Variants in ZNF469 observed in about 807,000 individuals in gnomAD.
ZNF469 encodes the protein zinc finger protein 469.
A neutral mutation model predicts 1.0 loss-of-function variants in ZNF469; 1 was observed. The ratio of observed to expected loss-of-function variants is 1.00; its 90% CI spans 0.35 to 4.73. ZNF469 has a LOEUF of 4.73. ZNF469 is among the 30% of genes most tolerant of loss of function. The probability of loss-of-function intolerance (pLI) is 0.16; values close to 1 mark genes in which losing one functional copy is unlikely to be tolerated. For missense variants in ZNF469, 6,100 were observed against 5,356.3 expected (o/e 1.14, Z -4.33); for synonymous variants, 2,703 against 2,363.4 (o/e 1.14, Z -4.17).
At chr16:88,293,858 G>A in the ZNF469 span, among the ~76,000 whole-genome samples, 22 of 152,250 alleles carry the variant, frequency 1.4e-4, no homozygotes, top group Admixed American at 6.5e-4. Flanking sequence ...GTAGCTGATC[G>A]GGAAAGGTTT....
the ZNF469 span, among the ~76,000 whole-genome samples, chr16:88,142,670 C>T: frequency 4.0e-3 from 614 of 152,336 alleles, 8 homozygotes; most frequent in African/African-American, 0.014. Context: ...GTCTATAAAG[C>T]ACATGTCACC....
At chr16:88,133,243 G>C in the ZNF469 span, among the ~76,000 whole-genome samples, 1 of 152,256 alleles carries the variant, frequency 6.6e-6, no homozygotes, top group Admixed American at 6.5e-5. Flanking sequence ...GTTTCTGACG[G>C]CCTAAGAATA....
the ZNF469 span, among the ~76,000 whole-genome samples, chr16:88,224,308 G>C: frequency 6.6e-6 from 1 of 152,230 alleles, no homozygotes; most frequent in South Asian, 2.1e-4. Flanking sequence ...CAGGGTGTTA[G>C]CCAAGCGGAT....
the ZNF469 span, among the ~76,000 whole-genome samples, chr16:88,301,516 G>A: frequency 1.3e-5 from 2 of 152,212 alleles, no homozygotes; most frequent in African/African-American, 2.4e-5. Flanking sequence ...AGTGAACAGT[G>A]GGATGCAGAG....
At chr16:88,135,175 C>T in the ZNF469 span, among the ~76,000 whole-genome samples, 1 of 152,248 alleles carries the variant, frequency 6.6e-6, no homozygotes, top group Non-Finnish European at 1.5e-5. Flanking sequence ...TTCCGTGGGG[C>T]AGGGCTATGA....
At chr16:88,264,945 G>A in the ZNF469 span, among the ~76,000 whole-genome samples, 8 of 152,224 alleles carry the variant, frequency 5.3e-5, no homozygotes, top group South Asian at 8.3e-4. Flanking sequence ...TCCAGGGAGC[G>A]GGCACACAGG....
chr16:88,295,129 G>A, the ZNF469 span, among the ~76,000 whole-genome samples: 2 of 36,772 alleles, frequency 5.4e-5, no homozygotes, highest in African/African-American at 2.3e-4. Flanking sequence ...TGGGGAGGAC[G>A]TCATCTCGGG....
upstream of ZNF469, among the ~76,000 whole-genome samples, chr16:88,381,184 A>C (rs1180915778): frequency 8.9e-5 from 12 of 134,450 alleles, no homozygotes; most frequent in African/African-American, 3.5e-4. Context: ...ACAGACATGC[A>C]CTCACACACA....
At chr16:88,159,883 G>T in the ZNF469 span, among the ~76,000 whole-genome samples, 1 of 152,164 alleles carries the variant, frequency 6.6e-6, no homozygotes, top group Non-Finnish European at 1.5e-5. Context: ...ACTGTGAGGC[G>T]TCAGCACAGG....
the ZNF469 span, among the ~76,000 whole-genome samples, chr16:88,137,138 G>A: frequency 9.2e-5 from 14 of 152,176 alleles, no homozygotes; most frequent in African/African-American, 2.2e-4. Context: ...ACATACAACC[G>A]TGCATGCAAT....
At chr16:88,266,006 C>T in the ZNF469 span, among the ~76,000 whole-genome samples, 1 of 152,262 alleles carries the variant, frequency 6.6e-6, no homozygotes, top group East Asian at 1.9e-4. Flanking sequence ...CAGCTCCCCA[C>T]CCCCAACAAG....
chr16:88,181,473 C>T, the ZNF469 span, among the ~76,000 whole-genome samples: 13 of 152,080 alleles, frequency 8.5e-5, 1 homozygote, highest in African/African-American at 9.6e-5. Context: ...TGAAGTTATG[C>T]GAAATATGTG....
the ZNF469 span, among the ~76,000 whole-genome samples, chr16:88,254,631 G>T: frequency 1.3e-5 from 2 of 152,180 alleles, no homozygotes; most frequent in African/African-American, 2.4e-5. Flanking sequence ...GGTGGCACAT[G>T]CCTGTAATCC....
chr16:88,401,604 TAGTTG>T (rs1904864140), intron 1 of ZNF469, among the ~76,000 whole-genome samples: 1 of 137,724 alleles, frequency 7.3e-6, no homozygotes, highest in Non-Finnish European at 1.5e-5. Flanking sequence ...GATGGATGGA[TAGTTG>T]GGTGAGTGGA....
chr16:88,336,893 G>A, the ZNF469 span, among the ~76,000 whole-genome samples: 8 of 152,210 alleles, frequency 5.3e-5, no homozygotes, highest in East Asian at 7.7e-4. Context: ...TGGCCACCCC[G>A]AGTCTACCAT....
chr16:88,186,880 G>A, the ZNF469 span, among the ~76,000 whole-genome samples: 45,979 of 151,790 alleles, frequency 0.3, 7,061 homozygotes, highest in East Asian at 0.38. Context: ...GGCCTGAGCT[G>A]CAGAGGAGCT....
At chr16:88,160,968 C>T in the ZNF469 span, among the ~76,000 whole-genome samples, 80 of 152,288 alleles carry the variant, frequency 5.3e-4, no homozygotes, top group Non-Finnish European at 9.7e-4. Context: ...CATGGCAAAA[C>T]AATGTCTCTA....
chr16:88,322,227 C>T, the ZNF469 span, among the ~76,000 whole-genome samples: 1 of 152,218 alleles, frequency 6.6e-6, no homozygotes, highest in African/African-American at 2.4e-5. Context: ...GCGCTTTTCA[C>T]CCAAACCTGT....
At chr16:88,120,845 G>A in the ZNF469 span, among the ~76,000 whole-genome samples, 437 of 152,294 alleles carry the variant, frequency 2.9e-3, 3 homozygotes, top group African/African-American at 0.01. Context: ...GAATCCAGGT[G>A]TGAGCCCCGG....
Sources: allele counts gnomAD v4.1 joint callset (sites outside exome capture counted in the v4.1 genomes callset), GRCh38; gene constraint gnomAD v4.1.1; transcripts MANE v1.5; gene names NCBI Gene and HGNC (gene_info 2026-07-23, HGNC 2026-07-21).